The following RAD23B variants were observed in gnomAD, a reference collection of about 807,000 sequenced individuals.
RAD23B encodes the protein lysine-specific demethylase RAD23B.
Under a neutral mutation model 49.1 loss-of-function variants are expected in RAD23B, and 5 were observed. The observed-to-expected ratio is 0.10, with a 90% confidence interval of 0.05 to 0.21. The LOEUF (loss-of-function observed/expected upper bound fraction) is 0.21. RAD23B is among the 10% of genes least tolerant of loss of function. The pLI is 1.00. For missense variants in RAD23B, 356 were observed against 486.7 expected (o/e 0.73, Z 2.53); for synonymous variants, 184 against 165.4 (o/e 1.11, Z -0.86).
chr9:107,284,326 G>A (rs1231378366), intron 1 of RAD23B: 1 of 675,430 alleles, frequency 1.5e-6, no homozygotes, highest in Non-Finnish European at 1.8e-6. Context: ...GGCCTCTTTG[G>A]TGATGGTTTT....
intron 1 of RAD23B, among the ~76,000 whole-genome samples, chr9:107,299,502 T>C (rs1160264290): frequency 2.0e-5 from 3 of 152,184 alleles, no homozygotes; most frequent in Admixed American, 1.3e-4. Context: ...CTCTTACAGA[T>C]GAATGAAGCT....
At chr9:107,310,672 A>G (rs1826872148) in intron 4 of RAD23B, among the ~76,000 whole-genome samples, 2 of 152,200 alleles carry the variant, frequency 1.3e-5, no homozygotes, top group Non-Finnish European at 2.9e-5. Flanking sequence ...CAGTATATTT[A>G]ATGAAGAACT....
chr9:107,295,581 A>G (rs4978820), intron 1 of RAD23B, among the ~76,000 whole-genome samples: 147,832 of 152,316 alleles, frequency 0.97, 71,766 homozygotes, highest in African/African-American at 0.99. Flanking sequence ...GGTCACCTGC[A>G]GACAGTACGA....
chr9:107,295,757 T>G (rs1826502431), intron 1 of RAD23B, among the ~76,000 whole-genome samples: 1 of 152,126 alleles, frequency 6.6e-6, no homozygotes, highest in Non-Finnish European at 1.5e-5. Context: ...TAGGTAAAAG[T>G]TGAGATTTGT....
At chr9:107,286,693 A>C (rs1009934297) in intron 1 of RAD23B, among the ~76,000 whole-genome samples, 5 of 152,086 alleles carry the variant, frequency 3.3e-5, no homozygotes, top group African/African-American at 1.2e-4. Context: ...TTTACTGTAA[A>C]AATTGTGGGA....
chr9:107,328,687 CACTGCTCACCT>C (rs1250167147), intron 9 of RAD23B, among the ~76,000 whole-genome samples: 1 of 152,180 alleles, frequency 6.6e-6, no homozygotes, highest in Admixed American at 6.5e-5. Flanking sequence ...CTTGCTCACC[CACTGCTCACCT>C]GCTCCTGGGC....
intron 9 of RAD23B, 197 bp downstream of exon 9, chr9:107,325,201 C>A: frequency 2.6e-6 from 1 of 384,042 alleles, no homozygotes; most frequent in Non-Finnish European, 4.8e-6. Context: ...GTAATCTCAG[C>A]TACTTGGGAG....
chr9:107,291,116 A>T (rs1163541399), intron 1 of RAD23B, among the ~76,000 whole-genome samples: 1 of 152,232 alleles, frequency 6.6e-6, no homozygotes, highest in East Asian at 1.9e-4. Context: ...CTGACAATAC[A>T]TGAACAGATT....
At position 107,287,105 on chromosome 9, in the gene RAD23B, A is replaced by G. The variant is rs527325198; in HGVS notation, c.66+3410A>G. The stretch of plus-strand genomic sequence containing the variant: ...AAAAAAAAAAAAATTCTGAAGTTTA[A>G]TGGTGTGATGGACATTTAGAGGGAA... On this transcript the variant is annotated intron_variant, in intron 1 of 9. Transcript: ENST00000358015. Among the ~76,000 whole-genome samples the G allele has an allele frequency of 4.4e-4, 67 of 152,246 alleles. 1 individual carries two copies. Among genetic ancestry groups the G allele is most frequent in the Middle Eastern group, 3.4e-3 (1 of 294 alleles).
At position 107,331,080 on chromosome 9, in the gene RAD23B, T is replaced by G. The variant is rs1362580403; in HGVS notation, c.*1424T>G. On this transcript the variant is annotated 3_prime_UTR_variant, in exon 10 of 10. Coordinates refer to ENST00000358015, the MANE Select transcript of RAD23B (RefSeq NM_002874.5). Reference sequence around the variant, plus strand: ...TGCTTTTGTTTTTTGTTTCCTTTTTTTTAACCATCTGATACTAAGAAGATG... The same window carrying G: ...TGCTTTTGTTTTTTGTTTCCTTTTTGTTAACCATCTGATACTAAGAAGATG... 1 of 152,334 alleles carries G rather than the reference T, an allele frequency of 6.6e-6. No homozygotes were observed. The highest frequency in any genetic ancestry group is 1.5e-5 in the Non-Finnish European group (1 of 68,008). The allele number at this position is 152,334 out of a possible 1,614,324, so 9.4% of individuals were successfully genotyped here.
chr9:107,293,176 C>T (rs1294487323), intron 1 of RAD23B, among the ~76,000 whole-genome samples: 1 of 151,844 alleles, frequency 6.6e-6, no homozygotes, highest in Non-Finnish European at 1.5e-5. Flanking sequence ...TGGCTTCTCC[C>T]AGTGTTAGTG....
At chr9:107,288,448 G>A (rs1465814484) in intron 1 of RAD23B, among the ~76,000 whole-genome samples, 2 of 151,944 alleles carry the variant, frequency 1.3e-5, no homozygotes, top group African/African-American at 4.8e-5. Context: ...TTTTGTTGTT[G>A]TTTTGTTTTG....
At position 107,323,902 on chromosome 9, in the gene RAD23B, A is replaced by T; in HGVS notation, c.830A>T (p.Glu277Val). The T allele has an allele frequency of 3.1e-6, 5 of 1,609,274 alleles. No homozygotes were observed. The highest frequency in any genetic ancestry group is 4.3e-6 in the Non-Finnish European group (5 of 1,175,684). The change falls in exon 8 of 10, where the codon GAA (glutamate) becomes GTA (valine). Residue 277 changes from glutamate (E) to valine (V), a missense_variant. Coordinates refer to ENST00000358015, the MANE Select transcript of RAD23B (RefSeq NM_002874.5). ...TTTSSGGHPLEFLRNQPQFQQ... is the reference protein window; with the variant it reads ...TTTSSGGHPLVFLRNQPQFQQ... ...ATGTGTATTTTAGGACATCCCCTTG[A>T]ATTTTTACGGAATCAGCCTCAGTTT...
At chr9:107,284,319 C>A in intron 1 of RAD23B, 1 of 720,592 alleles carries the variant, frequency 1.4e-6, no homozygotes, top group Non-Finnish European at 1.7e-6. Context: ...ACTTTGAGGC[C>A]TCTTTGGTGA....
chr9:107,294,373 G>C (rs1422635242), intron 1 of RAD23B, among the ~76,000 whole-genome samples: 1 of 152,178 alleles, frequency 6.6e-6, no homozygotes, highest in Non-Finnish European at 1.5e-5. Flanking sequence ...GCAGCACAAT[G>C]AAAGTTCTAG....
At chr9:107,316,322 T>A (rs535565497) in intron 5 of RAD23B, among the ~76,000 whole-genome samples, 1 of 152,234 alleles carries the variant, frequency 6.6e-6, no homozygotes, top group Non-Finnish European at 1.5e-5. Flanking sequence ...TACCAAATTA[T>A]TAATCTCTCC....
At chr9:107,308,364 G>A (rs1374760567) in intron 4 of RAD23B, among the ~76,000 whole-genome samples, 2 of 151,930 alleles carry the variant, frequency 1.3e-5, no homozygotes, top group Non-Finnish European at 2.9e-5. Context: ...GATTACAGGC[G>A]CATGGCACCA....
chr9:107,310,862 C>G (rs1191214216), intron 4 of RAD23B, among the ~76,000 whole-genome samples: 1 of 152,084 alleles, frequency 6.6e-6, no homozygotes, highest in African/African-American at 2.4e-5. Context: ...ATTTATGCAT[C>G]CAAACTTGAG....
At position 107,324,932 on chromosome 9, in the gene RAD23B, A is replaced by C; in HGVS notation, c.1044A>C (p.Gly348=). ...QGGGGGGGSG[G]IAEAGSGHMN... ...GAGGAGGTGGAGGTGGCAGTGGAGG[A>C]ATTGCAGAAGCTGGAAGTGGTCATA... Residue 348 remains glycine, a synonymous_variant, in exon 9 of 10, where the codon GGA becomes GGC. Coordinates refer to ENST00000358015, the MANE Select transcript of RAD23B (RefSeq NM_002874.5). 1 of 1,613,720 alleles carries C rather than the reference A, an allele frequency of 6.2e-7. No individual in the cohort carries two copies. The highest frequency in any genetic ancestry group is 8.5e-7 in the Non-Finnish European group (1 of 1,179,934).
Sources: allele counts gnomAD v4.1 joint callset (sites outside exome capture counted in the v4.1 genomes callset), GRCh38; gene constraint gnomAD v4.1.1; transcripts MANE v1.5; gene names NCBI Gene and HGNC (gene_info 2026-07-23, HGNC 2026-07-21).